RLIM: variants seen among roughly 807,000 people sequenced by gnomAD.
RLIM encodes E3 ubiquitin-protein ligase RLIM.
Under a neutral mutation model 34.0 loss-of-function variants are expected in RLIM, and 2 were observed. The ratio of observed to expected loss-of-function variants is 0.06; its 90% CI spans 0.02 to 0.19. The LOEUF (loss-of-function observed/expected upper bound fraction) is 0.19, where lower values mean the gene tolerates loss of function less well. Among genes scored for constraint, RLIM ranks in the 10% least tolerant of loss-of-function variants. The pLI is 1.00. For missense variants in RLIM, 286 were observed against 479.7 expected (o/e 0.60, Z 3.77); for synonymous variants, 169 against 164.0 (o/e 1.03, Z -0.23).
intron 1 of RLIM, among the ~76,000 whole-genome samples, chrX:74,597,185 T>G (rs1206926189): frequency 8.9e-6 from 1 of 112,104 alleles, no homozygotes; most frequent in Non-Finnish European, 1.9e-5. Flanking sequence ...CGAGGAAAGC[T>G]GTTTATTGAT....
Position 74,595,900 on chromosome X carries a change from C to T in RLIM, c.78G>A (p.Leu26=). ...ATTGATAGAAAGCTTCTTCTCGATC[C>T]AATCGGTCCATCTGACTTCTGCGCT... The part of the protein sequence containing the change: ...AAQRRSQMDR[L]DREEAFYQFV... Residue 26 remains leucine (L), a synonymous_variant, in exon 2 of 4, where the codon TTG becomes TTA. Transcript: ENST00000332687. 1.7e-6 allele frequency: 2 copies of T among 1,205,847 alleles called. No homozygotes were observed. The highest frequency in any genetic ancestry group is 3.5e-5 in the South Asian group (2 of 56,629).
At chrX:74,600,972 C>A (rs1468261465) in intron 1 of RLIM, among the ~76,000 whole-genome samples, 1 of 109,472 alleles carries the variant, frequency 9.1e-6, no homozygotes. Flanking sequence ...TGCAGTGAGC[C>A]GAGATCGTGC....
At chrX:74,596,141 A>G in intron 1 of RLIM, 141 bp from the exon 2 acceptor site, 1 of 392,555 alleles carries the variant, frequency 2.5e-6, no homozygotes, top group South Asian at 7.1e-5. Context: ...AAAACTCCTG[A>G]AAAGCACTGT....
rs1931264928 is a variant in RLIM at position 74,583,446 on chromosome X, A to G, written c.*7994T>C. ...ATTAAGATGTTGCTGAGGATTGCAA[A>G]CTCCCGCAGCATATTTATACTGTGG... On this transcript the variant is annotated 3_prime_UTR_variant, in exon 4 of 4. Transcript: ENST00000332687. 1.4e-6 allele frequency: 1 copy of G among 704,001 alleles called. No individual in the cohort carries two copies. The allele number at this position is 704,001 out of a possible 1,213,427, so 58.0% of individuals were successfully genotyped here.
chrX:74,609,694 G>T (rs182548169), intron 1 of RLIM, among the ~76,000 whole-genome samples: 2 of 109,556 alleles, frequency 1.8e-5, no homozygotes, highest in African/African-American at 6.7e-5. Context: ...AAGAGTAAGG[G>T]TTTACACTTG....
At chrX:74,612,284 AT>A (rs1413035660) in intron 1 of RLIM, among the ~76,000 whole-genome samples, 1 of 112,291 alleles carries the variant, frequency 8.9e-6, no homozygotes, top group African/African-American at 3.2e-5. Flanking sequence ...TCCAACAATG[AT>A]ATAAGACAAC....
rs371817739 is a variant in RLIM at position 74,611,997 on chromosome X, T to C, written c.-24+2425A>G. ...GTCGGGGACAATCAAGGTTTGCACC[T>C]GCTGTCCAGGAATTATTAATGTTCC... On this transcript the variant is annotated intron_variant, in intron 1 of 3. Transcript: ENST00000332687. Among the ~76,000 whole-genome samples, 5 of 112,066 alleles carry C rather than the reference T, an allele frequency of 4.5e-5. No individual in the cohort carries two copies. The East Asian group carries it at 1.1e-3, about 25-fold the overall frequency.
intron 1 of RLIM, among the ~76,000 whole-genome samples, chrX:74,606,492 T>G (rs1362290808): frequency 1.8e-5 from 2 of 112,222 alleles, no homozygotes; most frequent in Non-Finnish European, 1.9e-5. Context: ...TTATTATATA[T>G]TAATATAAAT....
chrX:74,600,511 T>C lies in RLIM; in HGVS notation c.-23-4511A>G, dbSNP rs2079656852. ...AAGCGGTTAGTAGTTTGAACGCTAA[T>C]GCATGAAAGTTAAGACAAAATTCAC... On this transcript the variant is annotated intron_variant, in intron 1 of 3. Coordinates refer to ENST00000332687, the MANE Select transcript of RLIM (RefSeq NM_016120.4). Among the ~76,000 whole-genome samples the C allele has an allele frequency of 2.7e-5, 3 of 111,856 alleles. No homozygotes were observed. The East Asian group carries it at 8.4e-4, about 31-fold the overall frequency.
chrX:74,586,337 C>A lies in RLIM; in HGVS notation c.*5103G>T, dbSNP rs2147368700. ...ATAATTCTGCAAGATGAGGAACTTA[C>A]AGAGGAACCTTGAAAGAGGCACCAT... On this transcript the variant is annotated 3_prime_UTR_variant, in exon 4 of 4. Transcript: ENST00000332687. 1 of 112,216 alleles carries A rather than the reference C, an allele frequency of 8.9e-6. No homozygotes were observed. The highest frequency in any genetic ancestry group is 3.2e-5 in the African/African-American group (1 of 30,911). 9.2% of individuals were successfully genotyped at this position (112,216 alleles called of 1,213,427 possible). A position where few individuals can be genotyped will look rare whatever the true frequency, so the allele number is the denominator to read the frequency against.
chrX:74,602,388 G>A (rs1204919260), intron 1 of RLIM, among the ~76,000 whole-genome samples: 1 of 110,913 alleles, frequency 9.0e-6, no homozygotes, highest in African/African-American at 3.3e-5. Flanking sequence ...CATAGACCAC[G>A]GTGTTCAAAT....
At chrX:74,598,161 TAC>T (rs2079647208) in intron 1 of RLIM, among the ~76,000 whole-genome samples, 1 of 112,081 alleles carries the variant, frequency 8.9e-6, no homozygotes, top group African/African-American at 3.2e-5. Flanking sequence ...TTGTAGCACA[TAC>T]ATTTTCTGAG....
chrX:74,604,417 A>C (rs2079674505), intron 1 of RLIM, among the ~76,000 whole-genome samples: 1 of 111,894 alleles, frequency 8.9e-6, no homozygotes, highest in Admixed American at 9.5e-5. Flanking sequence ...CATATTGGGC[A>C]GCACAGCTTT....
At chrX:74,594,497 AT>A in intron 2 of RLIM, 108 bp from the exon 3 acceptor site, 1 of 537,746 alleles carries the variant, frequency 1.9e-6, no homozygotes, top group Non-Finnish European at 2.8e-6. Context: ...AAAAAATCAT[AT>A]TTTTAAAAGA....
rs1317663566 is a variant in RLIM at position 74,592,330 on chromosome X, G to C, written c.985C>G (p.Arg329Gly). 1 of 1,211,482 alleles carries C rather than the reference G, an allele frequency of 8.3e-7. No individual in the cohort carries two copies. The highest frequency in any genetic ancestry group is 1.7e-5 in the African/African-American group (1 of 57,721). ...TCTCTCTGCCGATATTCTCCAGGAC[G>C]AACTCTTCTTACTTGAAGATCAAGG... is the stretch of plus-strand genomic sequence containing the variant. ...IVLDLQVRRV[R>G]PGEYRQRDSI... Residue 329 changes from arginine (R) to glycine (G), a missense_variant, in exon 4 of 4, where the codon CGT becomes GGT. By Grantham distance (125) the Arg-to-Gly change is moderately radical. Coordinates refer to ENST00000332687, the MANE Select transcript of RLIM (RefSeq NM_016120.4).
At position 74,588,008 on chromosome X, in the gene RLIM, C is replaced by A. The variant is rs2079595414; in HGVS notation, c.*3432G>T. Reference sequence around the variant, plus strand: ...ACCTACATTCCAACACTAATGTGAACACTTTTCTCAATCCCCACCTCCATT... The same window carrying A: ...ACCTACATTCCAACACTAATGTGAAAACTTTTCTCAATCCCCACCTCCATT... On this transcript the variant is annotated 3_prime_UTR_variant, in exon 4 of 4. Coordinates refer to ENST00000332687, the MANE Select transcript of RLIM (RefSeq NM_016120.4). The A allele has an allele frequency of 8.9e-6, 1 of 112,506 alleles. No homozygotes were observed. The highest frequency in any genetic ancestry group is 3.2e-5 in the African/African-American group (1 of 30,938). 9.3% of individuals were successfully genotyped at this position (112,506 alleles called of 1,213,427 possible).
At chrX:74,595,763 AACCAGC>A (rs2079637232) in intron 2 of RLIM, 40 bp downstream of exon 2, 1 of 1,005,944 alleles carries the variant, frequency 9.9e-7, no homozygotes, top group African/African-American at 1.9e-5. Context: ...TTTTTTTTTA[AACCAGC>A]AACTTACACT....
chrX:74,603,118 C>T (rs2147378668), intron 1 of RLIM, among the ~76,000 whole-genome samples: 1 of 110,294 alleles, frequency 9.1e-6, no homozygotes, highest in East Asian at 2.9e-4. Context: ...TTCCAAAAGA[C>T]CATTTGGACT....
intron 1 of RLIM, among the ~76,000 whole-genome samples, chrX:74,601,747 A>G (rs2079662085): frequency 8.9e-6 from 1 of 111,842 alleles, no homozygotes; most frequent in Non-Finnish European, 1.9e-5. Context: ...ATTTCTGCAC[A>G]GGATCTGAGG....
Sources: allele counts gnomAD v4.1 joint callset (sites outside exome capture counted in the v4.1 genomes callset), GRCh38; gene constraint gnomAD v4.1.1; transcripts MANE v1.5; gene names NCBI Gene and HGNC (gene_info 2026-07-23, HGNC 2026-07-21).